The following GRM7 variants were observed in gnomAD, a reference collection of about 807,000 sequenced individuals.
GRM7 encodes the protein glutamate metabotropic receptor 7, also known as metabotropic glutamate receptor 7.
GRM7 carries 35 observed loss-of-function variants against 84.5 expected under a neutral mutation model. That is an observed-to-expected ratio of 0.41 (90% CI 0.32 to 0.55). The LOEUF is 0.55. GRM7 is among the 20% of genes least tolerant of loss of function. The probability of loss-of-function intolerance (pLI) is 0.19; values close to 1 mark genes in which losing one functional copy is unlikely to be tolerated. For missense variants in GRM7, 1,003 were observed against 1,194.6 expected (o/e 0.84, Z 2.36); for synonymous variants, 487 against 455.1 (o/e 1.07, Z -0.89).
chr3:6,903,967 ATG>A (rs1448989676), intron 1 of GRM7, among the ~76,000 whole-genome samples: 2 of 152,062 alleles, frequency 1.3e-5, no homozygotes, highest in South Asian at 2.1e-4. Flanking sequence ...AATAAATGTT[ATG>A]TGTTTTCATT....
At chr3:7,734,538 A>G (rs1330660793) in intron 9 of GRM7, among the ~76,000 whole-genome samples, 3 of 152,234 alleles carry the variant, frequency 2.0e-5, no homozygotes, top group African/African-American at 7.2e-5. Context: ...GTCAACAGAA[A>G]TCCAGATTTG....
At chr3:6,923,811 T>G (rs1229855880) in intron 1 of GRM7, among the ~76,000 whole-genome samples, 1 of 152,216 alleles carries the variant, frequency 6.6e-6, no homozygotes, top group East Asian at 1.9e-4. Context: ...TATGGGACTA[T>G]AAATGCAGCT....
At chr3:7,253,184 T>C (rs1187314485) in intron 2 of GRM7, among the ~76,000 whole-genome samples, 1 of 152,074 alleles carries the variant, frequency 6.6e-6, no homozygotes, top group Admixed American at 6.6e-5. Flanking sequence ...CTTTGTTCAT[T>C]TACATCAACC....
At chr3:7,509,304 A>G (rs1700127069) in intron 7 of GRM7, among the ~76,000 whole-genome samples, 1 of 152,170 alleles carries the variant, frequency 6.6e-6, no homozygotes. Context: ...ATTAGTTGTT[A>G]TTAATCTCTG....
chr3:7,563,916 G>A (rs746589343), intron 7 of GRM7, among the ~76,000 whole-genome samples: 1 of 152,152 alleles, frequency 6.6e-6, no homozygotes, highest in Non-Finnish European at 1.5e-5. Flanking sequence ...TGTGGTCTCT[G>A]ACCTCCTGGG....
chr3:7,591,537 GA>G, intron 8 of GRM7: 1 of 415,302 alleles, frequency 2.4e-6, no homozygotes, highest in Non-Finnish European at 4.7e-6. Context: ...AGGATTTTTG[GA>G]AAGGGGAGAA....
chr3:7,180,019 T>A (rs962297312), intron 2 of GRM7, among the ~76,000 whole-genome samples: 3 of 152,236 alleles, frequency 2.0e-5, no homozygotes, highest in Non-Finnish European at 4.4e-5. Context: ...CAAAATTTAA[T>A]TGACCTTAGA....
chr3:7,580,265 C>T (rs751680761), intron 8 of GRM7, among the ~76,000 whole-genome samples: 3 of 152,178 alleles, frequency 2.0e-5, no homozygotes, highest in Non-Finnish European at 2.9e-5. Flanking sequence ...TGGATGTAGG[C>T]AGCTCTGGCA....
intron 1 of GRM7, among the ~76,000 whole-genome samples, chr3:7,050,766 G>T (rs559749467): frequency 1.3e-5 from 2 of 151,980 alleles, no homozygotes; most frequent in African/African-American, 4.8e-5. Flanking sequence ...CATCAGTCAG[G>T]ATTTGGAAAT....
At chr3:7,693,734 A>G in intron 9 of GRM7, 1 of 1,147,212 alleles carries the variant, frequency 8.7e-7, no homozygotes, top group Non-Finnish European at 1.3e-6. Flanking sequence ...AAGCTTTGCT[A>G]CCCAGCCCAC....
chr3:7,739,354 G>A (rs968231227), intron 9 of GRM7, among the ~76,000 whole-genome samples: 4 of 152,176 alleles, frequency 2.6e-5, no homozygotes, highest in Non-Finnish European at 5.9e-5. Flanking sequence ...AGTTCTTGAA[G>A]AGCTCTTGAC....
intron 1 of GRM7, among the ~76,000 whole-genome samples, chr3:6,902,125 C>G (rs1312513670): frequency 6.6e-6 from 1 of 152,114 alleles, no homozygotes; most frequent in Non-Finnish European, 1.5e-5. Flanking sequence ...ATAATTTATT[C>G]ACTTCAACCA....
chr3:7,052,007 T>C (rs17046734), intron 1 of GRM7, among the ~76,000 whole-genome samples: 7,257 of 151,718 alleles, frequency 0.048, 337 homozygotes, highest in African/African-American at 0.11. Flanking sequence ...CTTCACAGAA[T>C]TGGGGAGTCA....
At chr3:7,589,636 G>T (rs1250645357) in intron 8 of GRM7, among the ~76,000 whole-genome samples, 1 of 152,164 alleles carries the variant, frequency 6.6e-6, no homozygotes, top group African/African-American at 2.4e-5. Context: ...TGATTGGTAA[G>T]CAAGCTTATT....
chr3:7,672,884 C>A (rs549537754), intron 8 of GRM7, among the ~76,000 whole-genome samples: 1 of 152,014 alleles, frequency 6.6e-6, no homozygotes, highest in Non-Finnish European at 1.5e-5. Context: ...TGTGAGCCAC[C>A]GCGCCCAGCC....
chr3:7,279,651 A>G lies in GRM7; in HGVS notation c.737-19033A>G, dbSNP rs546822709. ...AGACACCAAACAGCCCTACAATAAAAGAGTTGGTGAGGAGCTACCTGAGAC... is the reference window on the plus strand; with the variant it reads ...AGACACCAAACAGCCCTACAATAAAGGAGTTGGTGAGGAGCTACCTGAGAC... On this transcript the variant is annotated intron_variant, in intron 2 of 9. Transcript: ENST00000357716. Among the ~76,000 whole-genome samples the G allele has an allele frequency of 1.2e-3, 186 of 152,294 alleles. 2 individuals carry two copies. Among genetic ancestry groups the G allele is most frequent in the African/African-American group, 4.3e-3 (179 of 41,582 alleles).
chr3:6,865,511 A>G (rs960446267), intron 1 of GRM7, among the ~76,000 whole-genome samples: 17 of 151,604 alleles, frequency 1.1e-4, no homozygotes, highest in African/African-American at 3.4e-4. Context: ...GCTCTACACT[A>G]TAGACTTGGA....
chr3:6,904,270 TAATTG>T (rs1696491039), intron 1 of GRM7, among the ~76,000 whole-genome samples: 1 of 152,210 alleles, frequency 6.6e-6, no homozygotes, highest in Non-Finnish European at 1.5e-5. Flanking sequence ...GATATTAAAC[TAATTG>T]AATTTTAGTT....
chr3:7,175,825 G>T (rs370702148), intron 2 of GRM7, among the ~76,000 whole-genome samples: 1 of 151,996 alleles, frequency 6.6e-6, no homozygotes, highest in Non-Finnish European at 1.5e-5. Context: ...GGTGTGAGCC[G>T]CTGCACCCAT....
Sources: allele counts gnomAD v4.1 joint callset (sites outside exome capture counted in the v4.1 genomes callset), GRCh38; gene constraint gnomAD v4.1.1; transcripts MANE v1.5; gene names NCBI Gene and HGNC (gene_info 2026-07-23, HGNC 2026-07-21).